The following AP1S3 variants were observed in gnomAD, a reference collection of about 807,000 sequenced individuals.
The protein encoded by AP1S3 is AP-1 complex subunit sigma-3.
In AP1S3, 10 loss-of-function variants were observed where a neutral mutation model predicts 20.9. The ratio of observed to expected loss-of-function variants is 0.48; its 90% confidence interval spans 0.29 to 0.81. The LOEUF is 0.81. Ranked by LOEUF, AP1S3 falls within the 30% of genes least tolerant of loss-of-function variation. The probability of loss-of-function intolerance (pLI) is 0.08; values close to 1 mark genes in which losing one functional copy is unlikely to be tolerated. For synonymous variants in AP1S3, 41 were observed against 61.5 expected (o/e 0.67, Z 1.56); for missense variants, 154 against 183.8 (o/e 0.84, Z 0.94).
At chr2:223,834,580 C>A (rs1327572117) in intron 1 of AP1S3, among the ~76,000 whole-genome samples, 1 of 151,650 alleles carries the variant, frequency 6.6e-6, no homozygotes, top group African/African-American at 2.4e-5. Context: ...ATAGAACAAG[C>A]CTTGTCTCAA....
intron 1 of AP1S3, among the ~76,000 whole-genome samples, chr2:223,780,751 CT>C (rs35643939): frequency 0.48 from 71,881 of 148,246 alleles, 17,980 homozygotes; most frequent in Non-Finnish European, 0.56. Context: ...AATAGTTCAT[CT>C]TTTTTTTTTT....
intron 1 of AP1S3, among the ~76,000 whole-genome samples, chr2:223,784,147 T>G (rs1390518057): frequency 1.3e-5 from 2 of 152,100 alleles, no homozygotes; most frequent in South Asian, 2.1e-4. Flanking sequence ...TGCAAATTGG[T>G]GCCACCGTTA....
At chr2:223,827,928 A>T (rs1692169252) in intron 1 of AP1S3, among the ~76,000 whole-genome samples, 2 of 151,458 alleles carry the variant, frequency 1.3e-5, no homozygotes, top group African/African-American at 4.8e-5. Flanking sequence ...GTGTGGTAGC[A>T]GGTGCCTATA....
intron 1 of AP1S3, among the ~76,000 whole-genome samples, chr2:223,822,248 CT>C (rs771167317): frequency 6.6e-6 from 1 of 151,728 alleles, no homozygotes; most frequent in Non-Finnish European, 1.5e-5. Context: ...AAAAAATGAG[CT>C]GGGCATGGTG....
chr2:223,809,092 T>C (rs1183677134), intron 1 of AP1S3, among the ~76,000 whole-genome samples: 1 of 152,212 alleles, frequency 6.6e-6, no homozygotes, highest in Admixed American at 6.5e-5. Context: ...TTACAATCTG[T>C]TATTAATATA....
chr2:223,832,809 T>C (rs1574736712), intron 1 of AP1S3, among the ~76,000 whole-genome samples: 1 of 36,160 alleles, frequency 2.8e-5, no homozygotes, highest in Admixed American at 3.8e-4. Flanking sequence ...TCTTTTTTCT[T>C]TTTTTTTTTT....
intron 1 of AP1S3, among the ~76,000 whole-genome samples, chr2:223,830,921 T>G (rs6436438): frequency 0.48 from 73,413 of 151,966 alleles, 17,806 homozygotes; most frequent in Middle Eastern, 0.57. Context: ...TCCTCATGAT[T>G]GTCGATAACA....
At chr2:223,785,321 A>G (rs1691047813) in intron 1 of AP1S3, among the ~76,000 whole-genome samples, 1 of 152,182 alleles carries the variant, frequency 6.6e-6, no homozygotes, top group Non-Finnish European at 1.5e-5. Flanking sequence ...CAGCCTGGGC[A>G]ATAAGACCGA....
In AP1S3 at chr2:223,758,544, A is replaced by G. The variant is rs1296244213; in HGVS notation, c.*171T>C. 1 of 1,337,776 alleles carries G rather than the reference A, an allele frequency of 7.5e-7. No individual in the cohort carries two copies. The highest frequency in any genetic ancestry group is 2.8e-5 in the East Asian group (1 of 35,548). The allele number at this position is 1,337,776 out of a possible 1,614,324, so 82.9% of individuals were successfully genotyped here. ...CATAATTTTTTTTAATAATACAGACACATAGTAATTATAAATATGTTAAAC... is the reference window on the plus strand; with the variant it reads ...CATAATTTTTTTTAATAATACAGACGCATAGTAATTATAAATATGTTAAAC... On this transcript the variant is annotated 3_prime_UTR_variant, in exon 5 of 5. Transcript: ENST00000396654.
At position 223,774,384 on chromosome 2, in the gene AP1S3, A is replaced by C. The variant is rs200425051; in HGVS notation, c.291+1517T>G. Among the ~76,000 whole-genome samples, 2 of 31,216 alleles carry C rather than the reference A, an allele frequency of 6.4e-5. 1 individual carries two copies. The highest frequency in any genetic ancestry group is 6.6e-3 in the South Asian group (2 of 304). 20.5% of individuals were successfully genotyped at this position (31,216 alleles called of 152,430 possible). A position where few individuals can be genotyped will look rare whatever the true frequency, so the allele number is the denominator to read the frequency against. ...CCGTCTCAATAAATAATAAATAAAT[A>C]AATAAATAAATAAATAAATAAATAA... On this transcript the variant is annotated intron_variant, in intron 3 of 4. Transcript: ENST00000396654.
intron 1 of AP1S3, among the ~76,000 whole-genome samples, chr2:223,804,176 G>T (rs1691529122): frequency 6.6e-6 from 1 of 152,084 alleles, no homozygotes; most frequent in Non-Finnish European, 1.5e-5. Flanking sequence ...CTTAAATTTA[G>T]GTCCTACCCC....
At chr2:223,819,908 T>C (rs1361721407) in intron 1 of AP1S3, among the ~76,000 whole-genome samples, 3 of 139,994 alleles carry the variant, frequency 2.1e-5, no homozygotes, top group African/African-American at 2.8e-5. Context: ...TCAGGATAAA[T>C]GGGATTTAAA....
At chr2:223,795,391 CAT>C (rs1370238710) in intron 1 of AP1S3, among the ~76,000 whole-genome samples, 1 of 152,218 alleles carries the variant, frequency 6.6e-6, no homozygotes, top group Non-Finnish European at 1.5e-5. Context: ...ACTTTTTACA[CAT>C]GTTCTTAGGA....
At chr2:223,782,011 C>CTT (rs35909928) in intron 1 of AP1S3, among the ~76,000 whole-genome samples, 1,824 of 128,360 alleles carry the variant, frequency 0.014, 48 homozygotes, top group African/African-American at 0.047. Context: ...GGCTTTAAGT[C>CTT]TTTTTTTTTT....
chr2:223,827,401 GAGAT>G (rs1011454474), intron 1 of AP1S3, among the ~76,000 whole-genome samples: 1 of 151,908 alleles, frequency 6.6e-6, no homozygotes. Context: ...GTTTTGTTTT[GAGAT>G]AGAGTCTCAC....
intron 1 of AP1S3, among the ~76,000 whole-genome samples, chr2:223,821,706 C>T (rs1056207840): frequency 7.9e-5 from 12 of 152,174 alleles, no homozygotes; most frequent in Non-Finnish European, 1.5e-4. Flanking sequence ...ACGAAAACCC[C>T]CATCTTCCAG....
chr2:223,762,213 C>A (rs956908571), intron 4 of AP1S3, among the ~76,000 whole-genome samples: 4 of 151,072 alleles, frequency 2.6e-5, no homozygotes, highest in African/African-American at 9.7e-5. Flanking sequence ...CCTCGTGATC[C>A]ACCTGCCTCG....
intron 1 of AP1S3, among the ~76,000 whole-genome samples, chr2:223,794,490 C>T (rs1033147415): frequency 6.6e-6 from 1 of 152,148 alleles, no homozygotes; most frequent in African/African-American, 2.4e-5. Context: ...TTACTTTTCT[C>T]CAGATACAAT....
chr2:223,796,335 G>T (rs1254260507), intron 1 of AP1S3, among the ~76,000 whole-genome samples: 1 of 152,126 alleles, frequency 6.6e-6, no homozygotes, highest in Admixed American at 6.5e-5. Flanking sequence ...TCCATGTTCT[G>T]ATGGGAAGAG....
Sources: gnomAD v4.1 joint callset for allele counts (sites outside exome capture counted in the v4.1 genomes callset) on GRCh38, gnomAD v4.1.1 for gene constraint, MANE v1.5 for transcripts, NCBI Gene and HGNC (gene_info 2026-07-23, HGNC 2026-07-21) for gene names.